NKAIN3: variants seen among roughly 807,000 people sequenced by gnomAD.
NKAIN3 encodes the protein sodium/potassium transporting ATPase interacting 3.
A neutral mutation model predicts 30.2 loss-of-function variants in NKAIN3; 25 were observed. The ratio of observed to expected loss-of-function variants is 0.83; its 90% CI spans 0.60 to 1.16. The LOEUF (loss-of-function observed/expected upper bound fraction) is 1.16, where lower values mean the gene tolerates loss of function less well. Among genes scored for constraint, NKAIN3 ranks in the 50% most tolerant of loss-of-function variants. NKAIN3 has a pLI of 0.00. For missense variants in NKAIN3, 225 were observed against 254.1 expected (o/e 0.89, Z 0.78); for synonymous variants, 91 against 89.6 (o/e 1.02, Z -0.09).
intron 1 of NKAIN3, among the ~76,000 whole-genome samples, chr8:62,345,249 GTA>G (rs775979385): frequency 3.9e-5 from 2 of 51,794 alleles, no homozygotes; most frequent in African/African-American, 5.5e-5. Context: ...GTACATGTGG[GTA>G]TATATATACA....
chr8:62,653,136 A>G (rs1381578379), intron 3 of NKAIN3, among the ~76,000 whole-genome samples: 5 of 152,198 alleles, frequency 3.3e-5, no homozygotes, highest in Non-Finnish European at 7.3e-5. Context: ...ACAAAGTACT[A>G]TAGACTGGGT....
chr8:62,784,396 G>C (rs918549418), intron 4 of NKAIN3, among the ~76,000 whole-genome samples: 1 of 151,630 alleles, frequency 6.6e-6, no homozygotes, highest in African/African-American at 2.4e-5. Flanking sequence ...GACTGACTAA[G>C]AGAAAAATGA....
intron 3 of NKAIN3, among the ~76,000 whole-genome samples, chr8:62,594,830 A>G (rs935118487): frequency 2.3e-5 from 3 of 132,878 alleles, no homozygotes; most frequent in African/African-American, 8.4e-5. Flanking sequence ...TCCTTCCTTC[A>G]TTCCTTTCCT....
chr8:62,446,676 A>T (rs1217869265), intron 1 of NKAIN3, among the ~76,000 whole-genome samples: 2 of 152,188 alleles, frequency 1.3e-5, no homozygotes, highest in East Asian at 1.9e-4. Flanking sequence ...ATCTGTATGG[A>T]TTTGACTACG....
At chr8:62,343,615 G>A (rs1329246223) in intron 1 of NKAIN3, among the ~76,000 whole-genome samples, 1 of 151,896 alleles carries the variant, frequency 6.6e-6, no homozygotes, top group Non-Finnish European at 1.5e-5. Flanking sequence ...TTTGAGACCA[G>A]CCTGGGCAAC....
intron 1 of NKAIN3, among the ~76,000 whole-genome samples, chr8:62,303,751 A>AT (rs1174737470): frequency 2.0e-5 from 3 of 150,628 alleles, no homozygotes; most frequent in Admixed American, 6.6e-5. Flanking sequence ...AAAAGTGCAT[A>AT]TTGAAAACAT....
chr8:62,807,384 G>T (rs1818329547), intron 4 of NKAIN3, among the ~76,000 whole-genome samples: 1 of 151,912 alleles, frequency 6.6e-6, no homozygotes, highest in Admixed American at 6.6e-5. Flanking sequence ...GTAGATTACA[G>T]ATTTTTTAAA....
At chr8:62,863,102 C>A in intron 4 of NKAIN3, 1 of 1,278,014 alleles carries the variant, frequency 7.8e-7, no homozygotes, top group African/African-American at 1.5e-5. Context: ...AAAGGGTATT[C>A]CCCATCCTGC....
At chr8:62,519,558 A>G (rs1411396665) in intron 1 of NKAIN3, among the ~76,000 whole-genome samples, 1 of 152,200 alleles carries the variant, frequency 6.6e-6, no homozygotes, top group Non-Finnish European at 1.5e-5. Context: ...GAAGAAATAA[A>G]AAATGGCTTT....
chr8:62,299,863 A>G (rs550632761), intron 1 of NKAIN3, among the ~76,000 whole-genome samples: 23 of 152,216 alleles, frequency 1.5e-4, no homozygotes, highest in African/African-American at 5.5e-4. Context: ...AGAACACAGT[A>G]TTTTGTTACC....
intron 3 of NKAIN3, among the ~76,000 whole-genome samples, chr8:62,740,376 T>C (rs546455383): frequency 3.3e-5 from 5 of 152,162 alleles, no homozygotes; most frequent in African/African-American, 1.2e-4. Context: ...TGACTTGTGA[T>C]GGAAACAAAA....
At chr8:62,880,361 A>G (rs963334701) in intron 4 of NKAIN3, among the ~76,000 whole-genome samples, 1 of 152,170 alleles carries the variant, frequency 6.6e-6, no homozygotes, top group African/African-American at 2.4e-5. Context: ...CAATCAGATG[A>G]CTTAACAGAA....
At chr8:62,806,915 A>G (rs1563571629) in intron 4 of NKAIN3, among the ~76,000 whole-genome samples, 1 of 152,078 alleles carries the variant, frequency 6.6e-6, no homozygotes, top group Non-Finnish European at 1.5e-5. Context: ...CAGGGGACTA[A>G]TTCCTGTCCT....
chr8:62,408,301 T>G (rs1052653217), intron 1 of NKAIN3, among the ~76,000 whole-genome samples: 3 of 152,118 alleles, frequency 2.0e-5, no homozygotes, highest in East Asian at 1.9e-4. Context: ...CCGTGAAAAT[T>G]TATACATCCA....
chr8:62,703,924 G>T (rs1273573308), intron 3 of NKAIN3, among the ~76,000 whole-genome samples: 1 of 152,086 alleles, frequency 6.6e-6, no homozygotes. Context: ...CTACCCTGAA[G>T]CTTGTAGCAT....
chr8:62,455,345 G>T (rs868667545), intron 1 of NKAIN3, among the ~76,000 whole-genome samples: 1 of 152,192 alleles, frequency 6.6e-6, no homozygotes, highest in African/African-American at 2.4e-5. Flanking sequence ...TCATCAAAAG[G>T]AACAAAATCA....
At chr8:62,281,182 C>T (rs964326284) in intron 1 of NKAIN3, among the ~76,000 whole-genome samples, 2 of 152,110 alleles carry the variant, frequency 1.3e-5, no homozygotes, top group African/African-American at 4.8e-5. Context: ...ATAGTATTCT[C>T]TGATGGTTTT....
chr8:62,902,437 T>C (rs1821640942), intron 4 of NKAIN3, among the ~76,000 whole-genome samples: 1 of 152,182 alleles, frequency 6.6e-6, no homozygotes, highest in Non-Finnish European at 1.5e-5. Flanking sequence ...GCCCAACTTT[T>C]ACTCCAGTTT....
intron 1 of NKAIN3, among the ~76,000 whole-genome samples, chr8:62,565,552 C>G (rs943143358): frequency 6.6e-6 from 1 of 152,190 alleles, no homozygotes; most frequent in Non-Finnish European, 1.5e-5. Context: ...ATGGCAGAGC[C>G]AGGATTTGAA....
Sources: gnomAD v4.1 joint callset for allele counts (sites outside exome capture counted in the v4.1 genomes callset) on GRCh38, gnomAD v4.1.1 for gene constraint, MANE v1.5 for transcripts, NCBI Gene and HGNC (gene_info 2026-07-23, HGNC 2026-07-21) for gene names.